Variants in RASA3 observed in about 807,000 individuals in gnomAD.
RASA3 encodes ras GTPase-activating protein 3.
Under a neutral mutation model 110.0 loss-of-function variants are expected in RASA3, and 73 were observed. The observed-to-expected ratio is 0.66, with a 90% CI of 0.55 to 0.81. The LOEUF (loss-of-function observed/expected upper bound fraction) is 0.81, where lower values mean the gene tolerates loss of function less well. Ranked by LOEUF, RASA3 falls within the 30% of genes least tolerant of loss-of-function variation. The pLI is 0.00. For missense variants in RASA3, 976 were observed against 1,113.2 expected (o/e 0.88, Z 1.75); for synonymous variants, 500 against 451.4 (o/e 1.11, Z -1.37).
chr13:114,035,390 G>C (rs564811175), intron 4 of RASA3, among the ~76,000 whole-genome samples: 3 of 152,372 alleles, frequency 2.0e-5, no homozygotes, highest in Admixed American at 6.5e-5. Context: ...CCAGCGTCCA[G>C]CTCCTGACAA....
At chr13:114,124,194 T>C (rs780482001) in intron 1 of RASA3, among the ~76,000 whole-genome samples, 1 of 152,152 alleles carries the variant, frequency 6.6e-6, no homozygotes, top group East Asian at 1.9e-4. Flanking sequence ...AGACTTAAAT[T>C]TGGGTGATTG....
chr13:114,013,664 G>C (rs1402389921), intron 14 of RASA3, among the ~76,000 whole-genome samples: 6 of 81,682 alleles, frequency 7.3e-5, no homozygotes, highest in African/African-American at 1.0e-4. Context: ...CTCCCTCTTT[G>C]TCCCTCTCCC....
chr13:114,020,559 G>A (rs2053904659), intron 9 of RASA3, among the ~76,000 whole-genome samples: 1 of 152,218 alleles, frequency 6.6e-6, no homozygotes, highest in Non-Finnish European at 1.5e-5. Context: ...CGAGGCCCCG[G>A]CACACAGTCC....
At chr13:114,049,972 G>A (rs2079116639) in intron 3 of RASA3, among the ~76,000 whole-genome samples, 1 of 152,248 alleles carries the variant, frequency 6.6e-6, no homozygotes, top group African/African-American at 2.4e-5. Context: ...AGTCCCAGAG[G>A]TGGGCATGGC....
chr13:114,058,256 G>C (rs1280507305), intron 2 of RASA3, among the ~76,000 whole-genome samples: 1 of 151,904 alleles, frequency 6.6e-6, no homozygotes, highest in Non-Finnish European at 1.5e-5. Context: ...CACCCGGCAG[G>C]GGCCAGCTCC....
intron 21 of RASA3, among the ~76,000 whole-genome samples, chr13:113,992,895 A>G (rs1458699324): frequency 6.6e-6 from 1 of 152,230 alleles, no homozygotes; most frequent in African/African-American, 2.4e-5. Flanking sequence ...GCTGTTTAGT[A>G]TTTAAAATGT....
intron 21 of RASA3, among the ~76,000 whole-genome samples, chr13:113,995,791 G>A (rs3892256): frequency 0.029 from 1,576 of 55,106 alleles, 451 homozygotes; most frequent in East Asian, 0.28. Flanking sequence ...GGCTGACGGG[G>A]GGTCCGGCTG....
In RASA3 at chr13:114,027,836, A is replaced by G; in HGVS notation, c.530+11T>C. ...GACCAGAACAGAAACCTGAAGCGTGAGGCAACTTGCCTGAAGGGTCCTGCC... is the reference window on the plus strand; with the variant it reads ...GACCAGAACAGAAACCTGAAGCGTGGGGCAACTTGCCTGAAGGGTCCTGCC... On this transcript the variant is annotated intron_variant, in intron 6 of 23. Coordinates refer to ENST00000334062, the MANE Select transcript of RASA3 (RefSeq NM_007368.4). 1 of 1,612,894 alleles carries G rather than the reference A, an allele frequency of 6.2e-7. No homozygotes were observed. The highest frequency in any genetic ancestry group is 2.2e-5 in the East Asian group (1 of 44,876).
rs1163405722 is a variant in RASA3, at chr13:114,057,000, C to T, written c.174-4845G>A. ...CCCCCTGCTAAGAGGAGCTGTTGTC[C>T]TTGGGAACCACGGGTCCCCCCTCCT... On this transcript the variant is annotated intron_variant, in intron 2 of 23. Coordinates refer to ENST00000334062, the MANE Select transcript of RASA3 (RefSeq NM_007368.4). This position sits in a 1 kb window ranked among gnomAD's most constrained non-coding sequence, Gnocchi z 5.7. 3.3e-5 allele frequency among the ~76,000 whole-genome samples: 5 copies of T among 152,100 alleles called. No individual in the cohort carries two copies. The highest frequency in any genetic ancestry group is 2.9e-5 in the Non-Finnish European group (2 of 68,024).
At chr13:114,051,291 C>T (rs1187639030) in intron 3 of RASA3, among the ~76,000 whole-genome samples, 2 of 152,242 alleles carry the variant, frequency 1.3e-5, no homozygotes, top group East Asian at 1.9e-4. Flanking sequence ...CCGTCCTGGG[C>T]GTGAGCTCAG....
intron 3 of RASA3, among the ~76,000 whole-genome samples, chr13:114,051,187 T>G (rs1346371773): frequency 6.6e-6 from 1 of 152,120 alleles, no homozygotes; most frequent in African/African-American, 2.4e-5. Context: ...CCTGTCCCAC[T>G]CAGCATCCCG....
chr13:114,062,189 T>G (rs917741604), intron 2 of RASA3, among the ~76,000 whole-genome samples: 1 of 55,514 alleles, frequency 1.8e-5, no homozygotes. Flanking sequence ...TTCCTGTGGG[T>G]TTTTTTTTTA....
chr13:113,995,930 A>G lies in RASA3; in HGVS notation c.2141+601T>C, dbSNP rs3892570. Among the ~76,000 whole-genome samples the G allele has an allele frequency of 4.3e-3, 39 of 9,106 alleles. 6 individuals are homozygous for G. The highest frequency in any genetic ancestry group is 4.5e-3 in the Non-Finnish European group (29 of 6,396). 6.0% of individuals were successfully genotyped at this position (9,106 alleles called of 152,430 possible). A position where few individuals can be genotyped will look rare whatever the true frequency, so the allele number is the denominator to read the frequency against. ...GACCCGGCTGATGGGGGGCCCGGCT[A>G]ATGGGGGGGCCCGGCTAATGGGGGG... On this transcript the variant is annotated intron_variant, in intron 21 of 23. Coordinates refer to ENST00000334062, the MANE Select transcript of RASA3 (RefSeq NM_007368.4).
At chr13:114,019,884 G>C (rs2053883812) in intron 9 of RASA3, among the ~76,000 whole-genome samples, 1 of 63,920 alleles carries the variant, frequency 1.6e-5, no homozygotes, top group Non-Finnish European at 2.9e-5. Flanking sequence ...GGTGGGTGGA[G>C]CCTGTGTCCG....
In RASA3 at chr13:114,041,024, G is replaced by T. The variant is rs774200750; in HGVS notation, c.348C>A (p.His116Gln). 1.9e-6 allele frequency: 3 copies of T among 1,613,790 alleles called. No individual in the cohort carries two copies. Among genetic ancestry groups the T allele is most frequent in the Non-Finnish European group, 1.7e-6 (2 of 1,180,028 alleles). Residue 116 changes from histidine (H) to glutamine (Q), a missense_variant, in exon 4 of 24, where the codon CAC becomes CAA. Transcript: ENST00000334062. The stretch of plus-strand genomic sequence containing the variant: ...CCTGCACTTCCGAGTCAGCGTCCAC[G>T]TGCTGCAGCTGGAACCAGGTGTCCC... ...HNRDTWFQLQ[H>Q]VDADSEVQGK... is the part of the protein sequence containing the mutation.
At chr13:114,000,791 C>T (rs771982212) in intron 19 of RASA3, 35 bp downstream of exon 19, 2 of 1,470,842 alleles carry the variant, frequency 1.4e-6, no homozygotes, top group Non-Finnish European at 1.9e-6. Flanking sequence ...CAGCACGCTC[C>T]AGCAAGAGCC....
chr13:114,104,753 GAGC>G (rs1245791311), intron 1 of RASA3, among the ~76,000 whole-genome samples: 6 of 152,158 alleles, frequency 3.9e-5, no homozygotes, highest in African/African-American at 1.4e-4. Flanking sequence ...CTGCCTGAGA[GAGC>G]AGCAGACTCC....
At chr13:114,036,868 C>G (rs954254976) in intron 4 of RASA3, among the ~76,000 whole-genome samples, 1 of 152,178 alleles carries the variant, frequency 6.6e-6, no homozygotes, top group African/African-American at 2.4e-5. Context: ...TGGCTGGAGT[C>G]CAGCAGGGCC....
intron 12 of RASA3, among the ~76,000 whole-genome samples, chr13:114,016,926 C>G (rs1300312445): frequency 1.3e-5 from 2 of 152,210 alleles, no homozygotes; most frequent in African/African-American, 4.8e-5. Context: ...GGCCCAAACA[C>G]AGGGGACTGC....
Sources: allele counts gnomAD v4.1 joint callset (sites outside exome capture counted in the v4.1 genomes callset), GRCh38; gene constraint gnomAD v4.1.1; non-coding constraint Gnocchi (gnomAD v3.1); transcripts MANE v1.5; gene names NCBI Gene and HGNC (gene_info 2026-07-23, HGNC 2026-07-21).